Variants in ADGRL4 observed in about 807,000 individuals in gnomAD.
ADGRL4 encodes adhesion G protein-coupled receptor L4.
A neutral mutation model predicts 74.8 loss-of-function variants in ADGRL4; 90 were observed. The observed-to-expected ratio is 1.20, with a 90% CI of 1.02 to 1.43. The LOEUF (loss-of-function observed/expected upper bound fraction) is 1.43, where lower values mean the gene tolerates loss of function less well. Among genes scored for constraint, ADGRL4 ranks in the 40% most tolerant of loss-of-function variants. ADGRL4 has a pLI of 0.00. For synonymous variants in ADGRL4, 311 were observed against 279.2 expected (o/e 1.11, Z -1.14); for missense variants, 881 against 814.3 (o/e 1.08, Z -1.00).
intron 9 of ADGRL4, 113 bp from the exon 10 acceptor site, chr1:78,920,499 A>G: frequency 1.5e-6 from 1 of 671,680 alleles, no homozygotes; most frequent in Non-Finnish European, 2.4e-6. Flanking sequence ...AAATGTTCAT[A>G]AAATGTAAAA....
chr1:78,972,284 G>T (rs1051278639), intron 2 of ADGRL4, among the ~76,000 whole-genome samples: 1 of 152,116 alleles, frequency 6.6e-6, no homozygotes, highest in African/African-American at 2.4e-5. Context: ...TTTTATGTCA[G>T]TATGAATGCT....
chr1:78,943,828 G>A (rs1337019205), intron 3 of ADGRL4, among the ~76,000 whole-genome samples: 1 of 152,142 alleles, frequency 6.6e-6, no homozygotes, highest in Non-Finnish European at 1.5e-5. Flanking sequence ...CATTTTTCTA[G>A]AGAATGAATT....
At chr1:78,975,872 C>A (rs890939305) in intron 2 of ADGRL4, among the ~76,000 whole-genome samples, 3 of 151,500 alleles carry the variant, frequency 2.0e-5, no homozygotes, top group African/African-American at 7.3e-5. Flanking sequence ...ACCCTCTGAA[C>A]AGAAACAAAC....
intron 3 of ADGRL4, among the ~76,000 whole-genome samples, chr1:78,945,791 G>C (rs900059058): frequency 2.0e-5 from 3 of 151,516 alleles, no homozygotes; most frequent in African/African-American, 7.2e-5. Context: ...ATGCATATCT[G>C]AAGTGTGACT....
rs11802443 is a variant in ADGRL4 at position 78,936,332 on chromosome 1, A to G, written c.840T>C (p.Asn280=). 3,736 of 1,595,308 alleles carry G rather than the reference A, an allele frequency of 2.3e-3. 77 individuals carry two copies. The African/African-American group carries it at 0.046, about 20-fold the overall frequency. The change falls in exon 7 of 15, where the codon AAT becomes AAC. Residue 280 remains asparagine (N), a synonymous_variant. Coordinates refer to ENST00000370742, the MANE Select transcript of ADGRL4 (RefSeq NM_022159.4). ...ATGCAGCTTTTCTCTTTGGAAATAT[A>G]TTTATGTAGTCTCCATCCATATTCA... ...PHMNMDGDYI[N]IFPKRKAAYD... is the part of the protein sequence containing the mutation.
intron 2 of ADGRL4, among the ~76,000 whole-genome samples, chr1:78,984,096 G>A (rs1398355144): frequency 6.6e-6 from 1 of 151,712 alleles, no homozygotes; most frequent in Non-Finnish European, 1.5e-5. Flanking sequence ...TTAAGAGACA[G>A]TAGAGTATAC....
chr1:78,959,223 T>C (rs1355455961), intron 2 of ADGRL4, among the ~76,000 whole-genome samples: 2 of 152,250 alleles, frequency 1.3e-5, no homozygotes, highest in African/African-American at 4.8e-5. Flanking sequence ...TATGCCTTTA[T>C]GTAATTCATT....
intron 2 of ADGRL4, among the ~76,000 whole-genome samples, chr1:78,973,535 C>T (rs1176158602): frequency 6.6e-6 from 1 of 150,584 alleles, no homozygotes; most frequent in Non-Finnish European, 1.5e-5. Context: ...CAAATCTCTC[C>T]TAAGTGATAT....
intron 7 of ADGRL4, among the ~76,000 whole-genome samples, chr1:78,929,749 A>G (rs1487679099): frequency 6.6e-6 from 1 of 151,498 alleles, no homozygotes; most frequent in Non-Finnish European, 1.5e-5. Flanking sequence ...CTGACAGCTA[A>G]TATTACTGTC....
intron 2 of ADGRL4, among the ~76,000 whole-genome samples, chr1:78,948,609 T>G (rs1372839913): frequency 6.6e-6 from 1 of 152,068 alleles, no homozygotes; most frequent in Non-Finnish European, 1.5e-5. Context: ...TAATACTTTA[T>G]TAACATGCAT....
At chr1:78,917,180 G>A (rs111264505) in intron 12 of ADGRL4, among the ~76,000 whole-genome samples, 4,234 of 151,856 alleles carry the variant, frequency 0.028, 80 homozygotes, top group South Asian at 0.052. Context: ...AAAGATGACC[G>A]ATCATCGATA....
chr1:78,897,794 T>C (rs1328803795), intron 12 of ADGRL4, among the ~76,000 whole-genome samples: 1 of 152,202 alleles, frequency 6.6e-6, no homozygotes, highest in African/African-American at 2.4e-5. Context: ...AAGAAAAATG[T>C]AAGTTTTCCC....
intron 2 of ADGRL4, among the ~76,000 whole-genome samples, chr1:78,969,131 AC>A (rs1650118541): frequency 6.6e-6 from 1 of 152,224 alleles, no homozygotes; most frequent in Admixed American, 6.5e-5. Context: ...ATTCCTGTGA[AC>A]AAAATTTGGA....
rs117356835 is a variant in ADGRL4, at chr1:78,921,590, T to C, written c.1257+23A>G. 2.0e-3 allele frequency: 2,732 copies of C among 1,354,340 alleles called. 84 individuals are homozygous for C. In the East Asian group the frequency reaches 0.063, roughly 31 times the overall value. The allele number at this position is 1,354,340 out of a possible 1,614,324, so 83.9% of individuals were successfully genotyped here. A position where few individuals can be genotyped will look rare whatever the true frequency, so the allele number is the denominator to read the frequency against. On this transcript the variant is annotated intron_variant, in intron 9 of 14. Transcript: ENST00000370742. The stretch of plus-strand genomic sequence containing the variant: ...AAACAGAAAAAGCAACATTTATAAA[T>C]ATGAAGGGGAAAATTATCTTACAAT...
At chr1:78,898,949 G>A (rs1648458106) in intron 12 of ADGRL4, among the ~76,000 whole-genome samples, 1 of 152,136 alleles carries the variant, frequency 6.6e-6, no homozygotes, top group Non-Finnish European at 1.5e-5. Context: ...AGGATTTAGA[G>A]CTACAGGTAC....
intron 12 of ADGRL4, among the ~76,000 whole-genome samples, chr1:78,904,941 A>G (rs1456089162): frequency 6.6e-6 from 1 of 152,010 alleles, no homozygotes; most frequent in East Asian, 1.9e-4. Flanking sequence ...GTTCTTCTAT[A>G]TTGTTTTCAA....
At chr1:78,953,739 C>T (rs984861757) in intron 2 of ADGRL4, among the ~76,000 whole-genome samples, 1 of 152,102 alleles carries the variant, frequency 6.6e-6, no homozygotes, top group Non-Finnish European at 1.5e-5. Flanking sequence ...AAATGGTGGA[C>T]AATAAGCTCT....
intron 8 of ADGRL4, among the ~76,000 whole-genome samples, chr1:78,923,576 A>C (rs2100674568): frequency 6.6e-6 from 1 of 152,110 alleles, no homozygotes; most frequent in East Asian, 1.9e-4. Flanking sequence ...ACAGGGAACC[A>C]AGATGAACAA....
intron 12 of ADGRL4, among the ~76,000 whole-genome samples, chr1:78,898,352 T>C (rs1016873062): frequency 6.6e-6 from 1 of 152,102 alleles, no homozygotes; most frequent in Non-Finnish European, 1.5e-5. Context: ...AAATAGTGCT[T>C]TTCAAATGAG....
Sources: allele counts gnomAD v4.1 joint callset (sites outside exome capture counted in the v4.1 genomes callset), GRCh38; gene constraint gnomAD v4.1.1; transcripts MANE v1.5; gene names NCBI Gene and HGNC (gene_info 2026-07-23, HGNC 2026-07-21).